The following INVS variants were observed in gnomAD, a reference collection of about 807,000 sequenced individuals.
The protein encoded by INVS is inversion of embryo turning homolog.
A neutral mutation model predicts 108.8 loss-of-function variants in INVS; 86 were observed. That is an observed-to-expected ratio of 0.79 (90% confidence interval 0.66 to 0.95). The LOEUF (loss-of-function observed/expected upper bound fraction) is 0.95, where lower values mean the gene tolerates loss of function less well. Among genes scored for constraint, INVS ranks in the 40% least tolerant of loss-of-function variants. INVS has a pLI of 0.00. For synonymous variants in INVS, 455 were observed against 473.5 expected (o/e 0.96, Z 0.51); for missense variants, 1,169 against 1,297.4 (o/e 0.90, Z 1.52).
intron 2 of INVS, among the ~76,000 whole-genome samples, chr9:100,104,927 A>G (rs946374359): frequency 2.0e-5 from 3 of 152,242 alleles, no homozygotes; most frequent in Admixed American, 2.0e-4. Context: ...CGAATGAAAC[A>G]GTGGATAATC....
chr9:100,253,099 T>C lies in INVS; in HGVS notation c.1427T>C (p.Met476Thr), dbSNP rs1277817164. The stretch of plus-strand genomic sequence containing the variant: ...TATATCAACTGCATGGCAGTTCTCA[T>C]GGAAAACAATGCAGACCCTAACATT... ...GGYINCMAVLMENNADPNIQD... is the reference protein window; with the variant it reads ...GGYINCMAVLTENNADPNIQD... The change falls in exon 10 of 17, where the codon ATG (methionine) becomes ACG (threonine). Residue 476 changes from methionine to threonine, a missense_variant. By Grantham distance (81) the Met-to-Thr change is moderately conservative (BLOSUM62 -1). Coordinates refer to ENST00000262457, the MANE Select transcript of INVS (RefSeq NM_014425.5). The C allele has an allele frequency of 1.2e-6, 2 of 1,613,778 alleles. No homozygotes were observed. The highest frequency in any genetic ancestry group is 1.7e-6 in the Non-Finnish European group (2 of 1,179,834).
At chr9:100,198,329 CTCT>C (rs1263676205) in intron 3 of INVS, among the ~76,000 whole-genome samples, 37 of 74,432 alleles carry the variant, frequency 5.0e-4, no homozygotes, top group African/African-American at 1.9e-3. Flanking sequence ...GACAGTTTCA[CTCT>C]TCTTGTGCAG....
chr9:100,214,858 A>G (rs1483873556), intron 3 of INVS: 1 of 152,220 alleles, frequency 6.6e-6, no homozygotes, highest in Non-Finnish European at 1.5e-5. Flanking sequence ...GATCCAGAGG[A>G]CAAAGAAAGT....
chr9:100,224,201 G>T (rs549527079), intron 3 of INVS, among the ~76,000 whole-genome samples: 17 of 152,288 alleles, frequency 1.1e-4, no homozygotes, highest in Admixed American at 9.8e-4. Context: ...CACAGTAGGT[G>T]GTCTGCTTGA....
chr9:100,162,053 G>C (rs898152744), intron 3 of INVS, among the ~76,000 whole-genome samples: 2 of 152,154 alleles, frequency 1.3e-5, no homozygotes, highest in African/African-American at 4.8e-5. Flanking sequence ...CTGACATGAA[G>C]CACCATGTAG....
chr9:100,115,740 T>A (rs2118857166), intron 2 of INVS, among the ~76,000 whole-genome samples: 1 of 152,346 alleles, frequency 6.6e-6, no homozygotes, highest in East Asian at 1.9e-4. Context: ...TTGTGAGTAG[T>A]GCCACAGTAA....
chr9:100,233,274 G>C (rs1034109594), intron 5 of INVS, among the ~76,000 whole-genome samples: 8 of 152,192 alleles, frequency 5.3e-5, no homozygotes, highest in African/African-American at 1.7e-4. Context: ...TTTCTGGGCT[G>C]AGACGATGGG....
chr9:100,212,270 T>C (rs1163346096), intron 3 of INVS, among the ~76,000 whole-genome samples: 1 of 152,260 alleles, frequency 6.6e-6, no homozygotes, highest in Non-Finnish European at 1.5e-5. Flanking sequence ...TAACTCATGA[T>C]TGCATTGTAC....
At chr9:100,273,753 G>A (rs1017293996) in intron 12 of INVS, among the ~76,000 whole-genome samples, 1 of 151,462 alleles carries the variant, frequency 6.6e-6, no homozygotes, top group Admixed American at 6.6e-5. Flanking sequence ...GGCTAGGCTG[G>A]TCTTGAACTC....
At chr9:100,189,106 C>CTTTTTTT (rs60762136) in intron 3 of INVS, among the ~76,000 whole-genome samples, 3,715 of 68,956 alleles carry the variant, frequency 0.054, 167 homozygotes, top group African/African-American at 0.095. Context: ...TTTGCATCTT[C>CTTTTTTT]TTTTTTTTTT....
In INVS at chr9:100,282,927, T is replaced by C. The variant is rs116191307; in HGVS notation, c.1785-1393T>C. Among the ~76,000 whole-genome samples the C allele has an allele frequency of 1.4e-3, 214 of 152,316 alleles. 2 individuals are homozygous for C. The highest frequency in any genetic ancestry group is 5.1e-3 in the African/African-American group (212 of 41,572). The stretch of plus-strand genomic sequence containing the variant: ...CTGGGTGCTTGCTAGAAATGCAGAA[T>C]CTTGAGTTCTCTCTAGCCTAAGTCG... On this transcript the variant is annotated intron_variant, in intron 12 of 16. Transcript: ENST00000262457.
At chr9:100,257,025 G>T (rs902096026) in intron 10 of INVS, among the ~76,000 whole-genome samples, 1 of 152,086 alleles carries the variant, frequency 6.6e-6, no homozygotes, top group Non-Finnish European at 1.5e-5. Context: ...AGCCTCCCAT[G>T]ATTATTGTGT....
At position 100,300,963 on chromosome 9, in the gene INVS, G is replaced by A; in HGVS notation, c.*289G>A. On this transcript the variant is annotated 3_prime_UTR_variant, in exon 17 of 17. Transcript: ENST00000262457. Reference sequence around the variant, plus strand: ...CACCTCAGTCTGTACAGTTGGAAATGAGAATTCATAATTAACAGCAAAATC... The same window carrying A: ...CACCTCAGTCTGTACAGTTGGAAATAAGAATTCATAATTAACAGCAAAATC... 2 of 399,720 alleles carry A rather than the reference G, an allele frequency of 5.0e-6. No individual in the cohort carries two copies. The highest frequency in any genetic ancestry group is 3.1e-5 in the South Asian group (1 of 32,122). 24.8% of individuals were successfully genotyped at this position (399,720 alleles called of 1,614,324 possible).
intron 10 of INVS, among the ~76,000 whole-genome samples, chr9:100,262,956 C>G (rs1832676628): frequency 6.6e-6 from 1 of 152,048 alleles, no homozygotes; most frequent in South Asian, 2.1e-4. Context: ...ACCATGTTGC[C>G]CACGGCTGTT....
intron 3 of INVS, among the ~76,000 whole-genome samples, chr9:100,207,985 CAT>C (rs1307433473): frequency 3.9e-5 from 6 of 152,130 alleles, no homozygotes; most frequent in Non-Finnish European, 2.9e-5. Flanking sequence ...ACAGTTAAAA[CAT>C]AGCTATAACA....
Position 100,292,675 on chromosome 9 carries a change from T to C in INVS, c.2418T>C (p.Ala806=), listed in dbSNP as rs746037952. 1 of 1,614,118 alleles carries C rather than the reference T, an allele frequency of 6.2e-7. No individual in the cohort carries two copies. The highest frequency in any genetic ancestry group is 2.2e-5 in the East Asian group (1 of 44,872). The part of the protein sequence containing the change: ...QELRGGRCSP[A]GSSRPGSARG... ...TCAGAGGAGGAAGGTGCTCTCCGGC[T>C]GGTTCTAGCCGCCCTGGCAGTGCCC... Residue 806 remains alanine (A), a synonymous_variant, in exon 14 of 17, where the codon GCT becomes GCC. Transcript: ENST00000262457.
intron 3 of INVS, among the ~76,000 whole-genome samples, chr9:100,174,151 A>G (rs759060091): frequency 5.3e-5 from 8 of 152,232 alleles, no homozygotes; most frequent in East Asian, 3.8e-4. Context: ...GTTGTTCCAG[A>G]TTTTAATGAG....
At chr9:100,300,520 C>A in intron 16 of INVS, 48 bp from the exon 17 acceptor site, 1 of 1,271,694 alleles carries the variant, frequency 7.9e-7, no homozygotes, top group Non-Finnish European at 1.1e-6. Flanking sequence ...TTCCCTTCAG[C>A]CTTAAAATTA....
intron 8 of INVS, among the ~76,000 whole-genome samples, chr9:100,251,641 C>T (rs1049788233): frequency 3.9e-5 from 6 of 152,176 alleles, no homozygotes; most frequent in African/African-American, 1.2e-4. Flanking sequence ...AAGCAGTCCT[C>T]CTGCCTCAGC....
Sources: gnomAD v4.1 joint callset for allele counts (sites outside exome capture counted in the v4.1 genomes callset) on GRCh38, gnomAD v4.1.1 for gene constraint, MANE v1.5 for transcripts, NCBI Gene and HGNC (gene_info 2026-07-23, HGNC 2026-07-21) for gene names.